RBBP8: variants seen among roughly 807,000 people sequenced by gnomAD.
The protein encoded by RBBP8 is DNA endonuclease RBBP8.
RBBP8 carries 88 observed loss-of-function variants against 108.3 expected under a neutral mutation model. That is an observed-to-expected ratio of 0.81 (90% CI 0.68 to 0.97). The LOEUF is 0.97. Among genes scored for constraint, RBBP8 ranks in the 50% least tolerant of loss-of-function variants. The probability of loss-of-function intolerance (pLI) is 0.00; values close to 1 mark genes in which losing one functional copy is unlikely to be tolerated. For synonymous variants in RBBP8, 332 were observed against 348.2 expected (o/e 0.95, Z 0.52); for missense variants, 1,023 against 1,049.0 (o/e 0.98, Z 0.34).
rs78360591 is a variant in RBBP8 at position 22,977,529 on chromosome 18, G to A, written c.428+2310G>A. 7.9e-3 allele frequency among the ~76,000 whole-genome samples: 1,207 copies of A among 152,192 alleles called. 17 individuals carry two copies. Among genetic ancestry groups the A allele is most frequent in the African/African-American group, 0.027 (1,118 of 41,544 alleles). On this transcript the variant is annotated intron_variant, in intron 6 of 18. Transcript: ENST00000327155. Reference sequence around the variant, plus strand: ...ATTCTTTTCGTTTTAGAAAATAGATGTGATGGGTCAGTGAAAGTCAAGGGA... The same window carrying A: ...ATTCTTTTCGTTTTAGAAAATAGATATGATGGGTCAGTGAAAGTCAAGGGA...
intron 10 of RBBP8, among the ~76,000 whole-genome samples, chr18:22,992,270 A>C (rs1459108521): frequency 6.6e-6 from 1 of 152,166 alleles, no homozygotes; most frequent in African/African-American, 2.4e-5. Flanking sequence ...GGCTTAGCTC[A>C]CTGCAACCTC....
rs544213409 is a variant in RBBP8, at chr18:23,024,428, A to G, written c.2597-1715A>G. On this transcript the variant is annotated intron_variant, in intron 18 of 18. Coordinates refer to ENST00000327155, the MANE Select transcript of RBBP8 (RefSeq NM_002894.3). ...CATGTGTACAGTTTATTACATACCA[A>G]GTGTACTTGAATGAAGCTGTTCAGA... is the stretch of plus-strand genomic sequence containing the variant. Among the ~76,000 whole-genome samples the G allele has an allele frequency of 7.5e-4, 115 of 152,328 alleles. 1 individual carries two copies. Among genetic ancestry groups the G allele is most frequent in the Non-Finnish European group, 9.3e-4 (63 of 68,028 alleles).
At chr18:22,977,331 ATAT>A (rs1914567498) in intron 6 of RBBP8, among the ~76,000 whole-genome samples, 2 of 151,942 alleles carry the variant, frequency 1.3e-5, no homozygotes, top group African/African-American at 4.8e-5. Flanking sequence ...TTAGAAGAAA[ATAT>A]TATTTGACTT....
chr18:22,975,543 C>T (rs1914439307), intron 6 of RBBP8, among the ~76,000 whole-genome samples: 1 of 152,058 alleles, frequency 6.6e-6, no homozygotes, highest in African/African-American at 2.4e-5. Flanking sequence ...GTCCCAGAAG[C>T]TTCATAAGGG....
chr18:22,947,507 G>C (rs1911667730), intron 3 of RBBP8, among the ~76,000 whole-genome samples: 1 of 152,010 alleles, frequency 6.6e-6, no homozygotes, highest in African/African-American at 2.4e-5. Flanking sequence ...GATTTACCCA[G>C]CTTCTTATGC....
chr18:22,980,017 G>A (rs951165594), intron 6 of RBBP8, among the ~76,000 whole-genome samples: 7 of 94,818 alleles, frequency 7.4e-5, no homozygotes, highest in Non-Finnish European at 2.3e-5. Flanking sequence ...AGGCCGAGAC[G>A]GGTGGATCAC....
intron 1 of RBBP8, among the ~76,000 whole-genome samples, chr18:22,914,766 A>C (rs985785450): frequency 9.2e-5 from 14 of 152,172 alleles, no homozygotes; most frequent in African/African-American, 3.4e-4. Flanking sequence ...CATTCATTAG[A>C]GGAACAATTC....
In RBBP8 at chr18:22,997,693, T is replaced by C. The variant is rs2045884061; in HGVS notation, c.2102T>C (p.Leu701Ser). ...ACATTGGTTAGTGAAACCGTTCTCT[T>C]AAAAATGAAGAAGCAAGAGCAGAAG... ...DCTLVSETVL[L>S]KMKKQEQKGE... Residue 701 changes from leucine (L) to serine (S), a missense_variant, in exon 14 of 19, where the codon TTA becomes TCA. By Grantham distance (145) the Leu-to-Ser change is moderately radical. Coordinates refer to ENST00000327155, the MANE Select transcript of RBBP8 (RefSeq NM_002894.3). The C allele has an allele frequency of 6.2e-7, 1 of 1,608,338 alleles. No homozygotes were observed. The highest frequency in any genetic ancestry group is 1.7e-5 in the Admixed American group (1 of 59,726).
intron 7 of RBBP8, among the ~76,000 whole-genome samples, chr18:22,984,465 G>T (rs1483281231): frequency 6.6e-6 from 1 of 152,136 alleles, no homozygotes; most frequent in African/African-American, 2.4e-5. Context: ...GCTTACTACA[G>T]CCTGGAACTT....
intron 2 of RBBP8, among the ~76,000 whole-genome samples, chr18:22,945,614 C>A (rs1911492995): frequency 6.6e-6 from 1 of 152,184 alleles, no homozygotes; most frequent in South Asian, 2.1e-4. Flanking sequence ...GAACTCTTGA[C>A]CTCGGGTGAT....
chr18:22,972,215 G>C (rs1019999987), intron 5 of RBBP8, among the ~76,000 whole-genome samples: 17 of 150,436 alleles, frequency 1.1e-4, no homozygotes, highest in African/African-American at 4.1e-4. Context: ...AAATTAGCCG[G>C]GCATGGTGGC....
At chr18:22,975,489 A>G (rs1185686768) in intron 6 of RBBP8, among the ~76,000 whole-genome samples, 1 of 152,094 alleles carries the variant, frequency 6.6e-6, no homozygotes, top group African/African-American at 2.4e-5. Flanking sequence ...AAATACTTAT[A>G]TTTCAAACAG....
At chr18:22,995,505 A>G (rs902946420) in intron 12 of RBBP8, among the ~76,000 whole-genome samples, 7 of 152,342 alleles carry the variant, frequency 4.6e-5, no homozygotes, top group African/African-American at 1.7e-4. Context: ...TGGTATACCC[A>G]CAGAGTTGTA....
intron 8 of RBBP8, among the ~76,000 whole-genome samples, chr18:22,988,327 C>T (rs1915465624): frequency 6.6e-6 from 1 of 152,174 alleles, no homozygotes; most frequent in African/African-American, 2.4e-5. Flanking sequence ...TTAGCATAAC[C>T]TGACCCCTAA....
rs1915812101 is a variant in RBBP8, at chr18:22,993,115, A to G, written c.1288A>G (p.Thr430Ala). 2 of 1,614,012 alleles carry G rather than the reference A, an allele frequency of 1.2e-6. No homozygotes were observed. Among genetic ancestry groups the G allele is most frequent in the Non-Finnish European group, 1.7e-6 (2 of 1,179,982 alleles). Reference sequence around the variant, plus strand: ...GACTGAGTACGGTAAAGATTCTAACACTGATAAACATTTGGAGCCCCTGAA... The same window carrying G: ...GACTGAGTACGGTAAAGATTCTAACGCTGATAAACATTTGGAGCCCCTGAA... ...NRTEYGKDSN[T>A]DKHLEPLKSL... The change falls in exon 11 of 19, where the codon ACT becomes GCT. Residue 430 changes from threonine (T) to alanine (A), a missense_variant. By Grantham distance (58) the Thr-to-Ala change is moderately conservative (BLOSUM62 0). Coordinates refer to ENST00000327155, the MANE Select transcript of RBBP8 (RefSeq NM_002894.3).
At chr18:22,955,385 G>A (rs1342323969) in intron 4 of RBBP8, among the ~76,000 whole-genome samples, 4 of 152,080 alleles carry the variant, frequency 2.6e-5, no homozygotes, top group East Asian at 1.9e-4. Context: ...TAATTAAGCT[G>A]AAGATCTGTT....
intron 15 of RBBP8, among the ~76,000 whole-genome samples, chr18:23,003,801 T>C (rs1308053546): frequency 1.3e-5 from 2 of 151,974 alleles, no homozygotes; most frequent in Non-Finnish European, 2.9e-5. Context: ...GATATGAAGA[T>C]TCCTCAGAAA....
At chr18:22,924,774 G>A (rs1909728420) in intron 3 of RBBP8, among the ~76,000 whole-genome samples, 1 of 152,172 alleles carries the variant, frequency 6.6e-6, no homozygotes, top group African/African-American at 2.4e-5. Flanking sequence ...TAAAGTAAAA[G>A]TGAGCTGTAT....
At chr18:22,946,589 C>T (rs2144467339) in intron 3 of RBBP8, 103 bp downstream of exon 3, 1 of 1,482,040 alleles carries the variant, frequency 6.7e-7, no homozygotes, top group Non-Finnish European at 9.1e-7. Flanking sequence ...CCAATTTGAC[C>T]TTAATGTCTT....
Sources: allele counts gnomAD v4.1 joint callset (sites outside exome capture counted in the v4.1 genomes callset), GRCh38; gene constraint gnomAD v4.1.1; transcripts MANE v1.5; gene names NCBI Gene and HGNC (gene_info 2026-07-23, HGNC 2026-07-21).